Variants in CDAN1 observed in about 807,000 individuals in gnomAD.
CDAN1 encodes codanin-1.
In CDAN1, 107 loss-of-function variants were observed where a neutral mutation model predicts 139.8. The ratio of observed to expected loss-of-function variants is 0.77; its 90% CI spans 0.65 to 0.90. The LOEUF (loss-of-function observed/expected upper bound fraction) is 0.90, where lower values mean the gene tolerates loss of function less well. Among genes scored for constraint, CDAN1 ranks in the 40% least tolerant of loss-of-function variants. CDAN1 has a pLI of 0.00. For missense variants in CDAN1, 1,667 were observed against 1,575.7 expected (o/e 1.06, Z -0.98); for synonymous variants, 776 against 660.6 (o/e 1.17, Z -2.68).
chr15:42,736,157 C>T, intron 2 of CDAN1, 79 bp from the exon 3 acceptor site: 1 of 1,572,530 alleles, frequency 6.4e-7, no homozygotes, highest in Non-Finnish European at 8.7e-7. Context: ...AGCTAGACCT[C>T]TTGCCAAAAA....
intron 15 of CDAN1, 51 bp downstream of exon 15, chr15:42,730,077 C>A: frequency 6.5e-7 from 1 of 1,533,934 alleles, no homozygotes; most frequent in Non-Finnish European, 9.0e-7. Context: ...TGCCCACTCC[C>A]CATCTTCAGC....
In CDAN1 at chr15:42,724,333, G is replaced by A; in HGVS notation, c.*158C>T. On this transcript the variant is annotated 3_prime_UTR_variant, in exon 28 of 28. Coordinates refer to ENST00000356231, the MANE Select transcript of CDAN1 (RefSeq NM_138477.4). ...CTCTCCTTCCTCTAGGATTCGCGTG[G>A]TGGGATGCCAGGCAGTGACACCCTT... 1.0e-6 allele frequency: 1 copy of A among 965,780 alleles called. No individual in the cohort carries two copies. Among genetic ancestry groups the A allele is most frequent in the Admixed American group, 2.1e-5 (1 of 47,994 alleles). 59.8% of individuals were successfully genotyped at this position (965,780 alleles called of 1,614,324 possible). A position where few individuals can be genotyped will look rare whatever the true frequency, so the allele number is the denominator to read the frequency against.
intron 18 of CDAN1, 44 bp downstream of exon 18, chr15:42,729,185 A>ACC: frequency 7.0e-7 from 1 of 1,434,316 alleles, no homozygotes; most frequent in Non-Finnish European, 9.7e-7. Context: ...CCCGCCCCCA[A>ACC]CCCCCCCTCA....
chr15:42,726,444 C>T (rs1464096990), intron 23 of CDAN1, 27 bp from the exon 24 acceptor site: 1 of 1,536,582 alleles, frequency 6.5e-7, no homozygotes, highest in African/African-American at 1.4e-5. Flanking sequence ...GAGATATCAC[C>T]TTGCGCTGGG....
chr15:42,727,724 C>A lies in CDAN1; in HGVS notation c.2993G>T (p.Arg998Leu), dbSNP rs764269200. 4.4e-6 allele frequency: 7 copies of A among 1,584,796 alleles called. No individual in the cohort carries two copies. Among genetic ancestry groups the A allele is most frequent in the Non-Finnish European group, 6.0e-6 (7 of 1,161,738 alleles). The change falls in exon 23 of 28, where the codon CGA (arginine) becomes CTA (leucine). Residue 998 changes from arginine (R) to leucine (L), a missense_variant. This residue lies in a region of CDAN1 where 936 missense variants were observed against 844.1 expected (regional missense o/e 1.11). Coordinates refer to ENST00000356231, the MANE Select transcript of CDAN1 (RefSeq NM_138477.4). The stretch of plus-strand genomic sequence containing the variant: ...GGCAGCAGGTTCAGGACCCTGGGCT[C>A]GAAGTGTGCGACTCACTGCTGCTTT... The part of the protein sequence containing the change: ...EVKAAVSRTL[R>L]AQGPEPAARG...
At chr15:42,735,825 G>T in intron 3 of CDAN1, 50 bp downstream of exon 3, 6 of 1,603,144 alleles carry the variant, frequency 3.7e-6, no homozygotes, top group Non-Finnish European at 5.1e-6. Flanking sequence ...AACCCCTGAA[G>T]ATCCCCCACA....
intron 4 of CDAN1, 57 bp downstream of exon 4, chr15:42,735,453 C>A (rs760866534): frequency 2.0e-5 from 32 of 1,605,874 alleles, no homozygotes; most frequent in African/African-American, 2.7e-5. Context: ...CTTACCAATT[C>A]TCTTACCCAT....
At position 42,729,215 on chromosome 15, in the gene CDAN1, C is replaced by T. The variant is rs199780617; in HGVS notation, c.2541+14G>A. ...CCCTCATTTTCCCCACGGCTGTCTC[C>T]GCCCTGCCCTTACCTGCAGCCCCTG... On this transcript the variant is annotated intron_variant, in intron 18 of 27. Transcript: ENST00000356231. The T allele has an allele frequency of 1.4e-4, 224 of 1,613,812 alleles. No individual in the cohort carries two copies. The highest frequency in any genetic ancestry group is 1.7e-4 in the Non-Finnish European group (203 of 1,179,848).
At position 42,732,376 on chromosome 15, in the gene CDAN1, C is replaced by T. The variant is rs1335666728; in HGVS notation, c.1490G>A (p.Ser497Asn). The T allele has an allele frequency of 6.2e-7, 1 of 1,613,992 alleles. No homozygotes were observed. Among genetic ancestry groups the T allele is most frequent in the African/African-American group, 1.3e-5 (1 of 74,906 alleles). ...AMMGQLSAAC[S>N]HSHFVRLFQK... ...GAAAAGCCGAACAAAGTGGCTGTGGCTGCAGGCTGCGGAGAGCTGACCCAT... is the reference window on the plus strand; with the variant it reads ...GAAAAGCCGAACAAAGTGGCTGTGGTTGCAGGCTGCGGAGAGCTGACCCAT... The change falls in exon 10 of 28, where the codon AGC (serine) becomes AAC (asparagine). Residue 497 changes from serine to asparagine, a missense_variant. Physicochemically the swap from Ser to Asn is conservative, Grantham distance 46. This residue lies in a region of CDAN1 where 244 missense variants were observed against 309.4 expected (regional missense o/e 0.79). Transcript: ENST00000356231.
chr15:42,735,943 A>C lies in CDAN1; in HGVS notation c.705T>G (p.Pro235=), dbSNP rs571317942. Residue 235 remains proline, a synonymous_variant, in exon 3 of 28, where the codon CCT becomes CCG. Coordinates refer to ENST00000356231, the MANE Select transcript of CDAN1 (RefSeq NM_138477.4). ...ACCCTGGGGGAAGGCCAAGGCCCCA[A>C]GGGCTAGTGTCCAGGGCTGAGGGTT... ...SSQPSALDTS[P]WGLGLPPGCR... The C allele has an allele frequency of 1.2e-6, 2 of 1,614,040 alleles. No individual in the cohort carries two copies. The highest frequency in any genetic ancestry group is 1.3e-5 in the African/African-American group (1 of 74,930).
chr15:42,735,218 C>T (rs749095284), intron 5 of CDAN1, 40 bp from the exon 6 acceptor site: 6 of 1,601,090 alleles, frequency 3.7e-6, no homozygotes, highest in Non-Finnish European at 4.3e-6. Flanking sequence ...AGAACGGTCC[C>T]GTTTCTAGAC....
At position 42,728,731 on chromosome 15, in the gene CDAN1, C is replaced by T. The variant is rs745824109; in HGVS notation, c.2725G>A (p.Gly909Arg). The T allele has an allele frequency of 1.2e-5, 20 of 1,614,088 alleles. No homozygotes were observed. The highest frequency in any genetic ancestry group is 1.6e-4 in the Middle Eastern group (1 of 6,084). ...ATCTCCAACAGCTGGGCTGGGTCTC[C>T]CCCTTCCTCTCCCTGTGTCACCAGC... is the stretch of plus-strand genomic sequence containing the variant. Reference protein sequence around the residue: ...EQLVTQGEEGGDPAQLLEILC... With the variant: ...EQLVTQGEEGRDPAQLLEILC... Residue 909 changes from glycine (G) to arginine (R), a missense_variant, in exon 20 of 28, where the codon GGA becomes AGA. By Grantham distance (125) the Gly-to-Arg change is moderately radical. Transcript: ENST00000356231.
Position 42,726,427 on chromosome 15 carries a change from G to A in CDAN1, c.3097-10C>T. On this transcript the variant is annotated splice_polypyrimidine_tract_variant and intron_variant, in intron 23 of 27. Transcript: ENST00000356231. ...CCAAGGAGAGCACGTCCTGTGAAGA[G>A]CAGGGGGAGATATCACCTTGCGCTG... is the stretch of plus-strand genomic sequence containing the variant. The A allele has an allele frequency of 6.3e-7, 1 of 1,576,280 alleles. No individual in the cohort carries two copies.
chr15:42,724,143 A>G lies in CDAN1; in HGVS notation c.*348T>C, dbSNP rs975445348. On this transcript the variant is annotated 3_prime_UTR_variant, in exon 28 of 28. Coordinates refer to ENST00000356231, the MANE Select transcript of CDAN1 (RefSeq NM_138477.4). ...TGCCTCTGTCATGAATTCCAAGACT[A>G]CAAAGTTTTAAGAGATGCTGGGATA... is the stretch of plus-strand genomic sequence containing the variant. 5.9e-6 allele frequency: 2 copies of G among 337,710 alleles called. No individual in the cohort carries two copies. The highest frequency in any genetic ancestry group is 5.8e-6 in the Non-Finnish European group (1 of 173,446). 20.9% of individuals were successfully genotyped at this position (337,710 alleles called of 1,614,324 possible).
At chr15:42,734,139 G>C in intron 7 of CDAN1, 87 bp downstream of exon 7, 2 of 1,603,232 alleles carry the variant, frequency 1.2e-6, no homozygotes, top group East Asian at 2.2e-5. Flanking sequence ...ACATTACACT[G>C]AAGTGTCGTC....
chr15:42,731,386 A>T, intron 11 of CDAN1, 55 bp from the exon 12 acceptor site: 1 of 1,609,712 alleles, frequency 6.2e-7, no homozygotes, highest in Non-Finnish European at 8.5e-7. Context: ...AGGAAAAGCC[A>T]GAATCGAGAA....
At position 42,725,715 on chromosome 15, in the gene CDAN1, G is replaced by A. The variant is rs114413530; in HGVS notation, c.3269-45C>T. 2.1e-3 allele frequency: 3,324 copies of A among 1,600,178 alleles called. 52 individuals carry two copies. The African/African-American group carries it at 0.037, about 18-fold the overall frequency. On this transcript the variant is annotated intron_variant, in intron 25 of 27. Transcript: ENST00000356231. ...AAGCTTTAAAAGATGGGGGCAGGCC[G>A]GGTGCGGTGACTCACACCTATAATC...
In CDAN1 at chr15:42,731,235, G is replaced by A. The variant is rs145068734; in HGVS notation, c.1836C>T (p.Asp612=). 18 of 1,614,024 alleles carry A rather than the reference G, an allele frequency of 1.1e-5. No homozygotes were observed. The highest frequency in any genetic ancestry group is 6.7e-5 in the East Asian group (3 of 44,892). Residue 612 remains aspartate, a synonymous_variant, in exon 12 of 28, where the codon GAC becomes GAT. Transcript: ENST00000356231. The stretch of plus-strand genomic sequence containing the variant: ...CCTGCCAGTCTACGTCTGACTCCCC[G>A]TCTTCATCATTGGGCTCATGCTGGG... The part of the protein sequence containing the change: ...ALPQHEPNDE[D]GESDVDWQGE...
At chr15:42,731,470 G>A in intron 11 of CDAN1, 139 bp from the exon 12 acceptor site, 1 of 1,426,376 alleles carries the variant, frequency 7.0e-7, no homozygotes, top group South Asian at 1.2e-5. Flanking sequence ...CCACGTGGGT[G>A]ACAGAATGAG....
Sources: gnomAD v4.1 joint callset for allele counts on GRCh38, gnomAD v4.1.1 for gene constraint, gnomAD v4.1.1 regional missense constraint, MANE v1.5 for transcripts, NCBI Gene and HGNC (gene_info 2026-07-23, HGNC 2026-07-21) for gene names.